UBE2E3: variants seen among roughly 807,000 people sequenced by gnomAD.
UBE2E3 encodes the protein ubiquitin conjugating enzyme E2 E3, also known as ubiquitin-conjugating enzyme E2 E3.
A neutral mutation model predicts 23.6 loss-of-function variants in UBE2E3; 5 were observed. The ratio of observed to expected loss-of-function variants is 0.21; its 90% confidence interval spans 0.11 to 0.44. The LOEUF is 0.44. Among genes scored for constraint, UBE2E3 ranks in the 20% least tolerant of loss-of-function variants. The probability of loss-of-function intolerance (pLI) is 0.99; values close to 1 mark genes in which losing one functional copy is unlikely to be tolerated. For missense variants in UBE2E3, 81 were observed against 249.8 expected, an observed-to-expected ratio of 0.32 and a Z score of 4.55; for synonymous variants, 78 against 87.5, an observed-to-expected ratio of 0.89 and a Z score of 0.60.
chr2:181,019,696 A>C (rs7355651), intron 3 of UBE2E3, among the ~76,000 whole-genome samples: 13,036 of 152,198 alleles, frequency 0.086, 1,004 homozygotes, highest in East Asian at 0.22. Flanking sequence ...ATAATTGACA[A>C]ATTTAAATAT....
At chr2:181,024,906 ATGT>A (rs1685831193) in intron 3 of UBE2E3, among the ~76,000 whole-genome samples, 1 of 152,050 alleles carries the variant, frequency 6.6e-6, no homozygotes, top group Admixed American at 6.6e-5. Flanking sequence ...AGAATTTCCC[ATGT>A]ATTACTATAC....
intron 3 of UBE2E3, among the ~76,000 whole-genome samples, chr2:181,045,722 C>T (rs1190589452): frequency 2.0e-5 from 3 of 152,058 alleles, no homozygotes; most frequent in Non-Finnish European, 4.4e-5. Flanking sequence ...ATGTAGTAAC[C>T]ACATCAATTA....
chr2:181,060,261 T>G (rs1311622524), intron 4 of UBE2E3, among the ~76,000 whole-genome samples: 1 of 151,316 alleles, frequency 6.6e-6, no homozygotes, highest in Non-Finnish European at 1.5e-5. Context: ...ACTTTTATGT[T>G]TTAAAAAAAA....
intron 3 of UBE2E3, among the ~76,000 whole-genome samples, chr2:181,030,150 A>G (rs975466821): frequency 6.6e-6 from 1 of 151,800 alleles, no homozygotes; most frequent in African/African-American, 2.4e-5. Context: ...TTTCCATGAA[A>G]GTATTTTGGT....
At chr2:181,021,717 C>T (rs1346899679) in intron 3 of UBE2E3, among the ~76,000 whole-genome samples, 1 of 134,182 alleles carries the variant, frequency 7.5e-6, no homozygotes, top group Admixed American at 8.4e-5. Context: ...CTATTAATGT[C>T]TGTGGTCATG....
intron 3 of UBE2E3, among the ~76,000 whole-genome samples, chr2:180,984,877 C>G (rs1308551605): frequency 6.6e-6 from 1 of 151,626 alleles, no homozygotes; most frequent in East Asian, 1.9e-4. Context: ...ATGACTATGG[C>G]TTACAAAATT....
chr2:181,050,031 A>G (rs1320553104), intron 3 of UBE2E3, among the ~76,000 whole-genome samples: 1 of 152,000 alleles, frequency 6.6e-6, no homozygotes, highest in Non-Finnish European at 1.5e-5. Flanking sequence ...GTAATTTACA[A>G]AAAGGCCAAT....
intron 3 of UBE2E3, among the ~76,000 whole-genome samples, chr2:181,052,090 A>G (rs142171483): frequency 8.6e-4 from 130 of 152,010 alleles, no homozygotes; most frequent in East Asian, 2.7e-3. Context: ...TTTATTAGCC[A>G]TATTATTAAT....
chr2:180,987,636 ACTTT>A (rs1382837477), intron 3 of UBE2E3, among the ~76,000 whole-genome samples: 7 of 152,116 alleles, frequency 4.6e-5, no homozygotes, highest in African/African-American at 7.2e-5. Flanking sequence ...GATTTCGTTG[ACTTT>A]CTTCTTTAAA....
intron 3 of UBE2E3, among the ~76,000 whole-genome samples, chr2:180,985,491 T>C (rs566928292): frequency 1.3e-5 from 2 of 152,192 alleles, no homozygotes; most frequent in Non-Finnish European, 2.9e-5. Flanking sequence ...ATGTTAAAAT[T>C]AATTTCACTT....
At chr2:181,009,144 T>C (rs1303832483) in intron 3 of UBE2E3, among the ~76,000 whole-genome samples, 1 of 152,174 alleles carries the variant, frequency 6.6e-6, no homozygotes, top group African/African-American at 2.4e-5. Flanking sequence ...CCTTCTCCTT[T>C]AGAATGTTCT....
In UBE2E3 at chr2:181,017,256, A is replaced by C. The variant is rs573398172; in HGVS notation, c.245+33163A>C. On this transcript the variant is annotated intron_variant, in intron 3 of 5. Coordinates refer to ENST00000410062, the MANE Select transcript of UBE2E3 (RefSeq NM_006357.4). ...TACATTAAAGTGGGATACAGTGGTC[A>C]AGACTCCTGGAAATAGATGTGTGCA... is the stretch of plus-strand genomic sequence containing the variant. Among the ~76,000 whole-genome samples, 3 of 152,314 alleles carry C rather than the reference A, an allele frequency of 2.0e-5. No homozygotes were observed. The South Asian group carries it at 6.2e-4, about 32-fold the overall frequency.
rs1310882058 is a variant in UBE2E3, at chr2:180,980,873, C to A, written c.-126C>A. 2 of 145,158 alleles carry A rather than the reference C, an allele frequency of 1.4e-5. No homozygotes were observed. Among genetic ancestry groups the A allele is most frequent in the African/African-American group, 2.5e-5 (1 of 40,180 alleles). 9.0% of individuals were successfully genotyped at this position (145,158 alleles called of 1,614,324 possible). ...CTTCTTTTTTTCCCTCCCCCCCCTT[C>A]CCCCCCCCACAGCTGCCTCCATTTC... On this transcript the variant is annotated 5_prime_UTR_variant, in exon 1 of 6. Coordinates refer to ENST00000410062, the MANE Select transcript of UBE2E3 (RefSeq NM_006357.4). This position sits in a 1 kb window ranked among gnomAD's most constrained non-coding sequence, Gnocchi z 5.5.
At chr2:181,025,862 C>G (rs774614150) in intron 3 of UBE2E3, among the ~76,000 whole-genome samples, 4 of 151,906 alleles carry the variant, frequency 2.6e-5, no homozygotes, top group African/African-American at 7.2e-5. Context: ...TTAAAACTCT[C>G]TAAGATAGCT....
intron 3 of UBE2E3, among the ~76,000 whole-genome samples, chr2:181,048,408 T>G (rs1171508655): frequency 3.3e-5 from 5 of 152,276 alleles, no homozygotes; most frequent in Non-Finnish European, 5.9e-5. Context: ...TTGTTAAAGC[T>G]TAAATACTTT....
At chr2:181,056,481 G>A (rs1574225324) in intron 3 of UBE2E3, among the ~76,000 whole-genome samples, 2 of 151,822 alleles carry the variant, frequency 1.3e-5, no homozygotes, top group South Asian at 4.1e-4. Flanking sequence ...AGATCACAAA[G>A]CAAGAGGAAG....
At chr2:181,048,154 T>G (rs781759546) in intron 3 of UBE2E3, among the ~76,000 whole-genome samples, 2 of 152,168 alleles carry the variant, frequency 1.3e-5, no homozygotes, top group Non-Finnish European at 2.9e-5. Flanking sequence ...ACTCTTCCCT[T>G]ATCTCTCTAA....
At chr2:181,021,703 ATATC>A (rs1490247552) in intron 3 of UBE2E3, among the ~76,000 whole-genome samples, 1 of 106,288 alleles carries the variant, frequency 9.4e-6, no homozygotes, top group Non-Finnish European at 1.9e-5. Flanking sequence ...TAAATATACT[ATATC>A]TATTAATGTC....
chr2:181,032,683 AC>A (rs1686120533), intron 3 of UBE2E3, among the ~76,000 whole-genome samples: 1 of 152,152 alleles, frequency 6.6e-6, no homozygotes, highest in South Asian at 2.1e-4. Context: ...TGCAAAGAAA[AC>A]AAAGTTGCAA....
Sources: gnomAD v4.1 joint callset for allele counts (sites outside exome capture counted in the v4.1 genomes callset) on GRCh38, gnomAD v4.1.1 for gene constraint, Gnocchi (gnomAD v3.1) non-coding constraint, MANE v1.5 for transcripts, NCBI Gene and HGNC (gene_info 2026-07-23, HGNC 2026-07-21) for gene names.